LRBA: variants seen among roughly 807,000 people sequenced by gnomAD.
LRBA encodes LPS responsive beige-like anchor protein.
LRBA carries 176 observed loss-of-function variants against 330.0 expected under a neutral mutation model. The observed-to-expected ratio is 0.53, with a 90% CI of 0.47 to 0.60. The LOEUF is 0.60. Ranked by LOEUF, LRBA falls within the 20% of genes least tolerant of loss-of-function variation. The pLI, the probability that LRBA is intolerant of heterozygous loss-of-function variation, is 0.00. For missense variants in LRBA, 3,259 were observed against 3,444.8 expected, an observed-to-expected ratio of 0.95 and a Z score of 1.35; for synonymous variants, 1,230 against 1,193.0, an observed-to-expected ratio of 1.03 and a Z score of -0.64.
intron 40 of LRBA, among the ~76,000 whole-genome samples, chr4:150,542,945 A>T (rs1341265062): frequency 3.3e-5 from 5 of 152,218 alleles, no homozygotes; most frequent in Non-Finnish European, 7.3e-5. Flanking sequence ...AAATAATTTT[A>T]TAATGAGGCT....
intron 40 of LRBA, among the ~76,000 whole-genome samples, chr4:150,564,392 T>C (rs1768835932): frequency 6.6e-6 from 1 of 152,110 alleles, no homozygotes; most frequent in Non-Finnish European, 1.5e-5. Context: ...TAATTCAAGA[T>C]GGATTAAAGA....
intron 40 of LRBA, among the ~76,000 whole-genome samples, chr4:150,502,262 C>T (rs1470584568): frequency 6.6e-6 from 1 of 152,168 alleles, no homozygotes; most frequent in Non-Finnish European, 1.5e-5. Flanking sequence ...AGGGTTTTGC[C>T]ACAGAAGTGG....
At chr4:150,302,397 T>C (rs1005079512) in intron 53 of LRBA, among the ~76,000 whole-genome samples, 19 of 152,200 alleles carry the variant, frequency 1.2e-4, no homozygotes, top group African/African-American at 4.3e-4. Context: ...AATTTTTGGA[T>C]CATAAGAATA....
At chr4:150,810,854 G>T (rs550262826) in intron 31 of LRBA, among the ~76,000 whole-genome samples, 1 of 152,108 alleles carries the variant, frequency 6.6e-6, no homozygotes, top group Non-Finnish European at 1.5e-5. Flanking sequence ...CTTTGGCCTT[G>T]GCCTCCCAAA....
chr4:150,755,873 A>G (rs995640257), intron 35 of LRBA, among the ~76,000 whole-genome samples: 23 of 151,344 alleles, frequency 1.5e-4, no homozygotes, highest in African/African-American at 5.3e-4. Context: ...CCCCATCTCT[A>G]CAAGAAAAAA....
chr4:150,437,301 G>A (rs1290246373), intron 44 of LRBA, among the ~76,000 whole-genome samples: 1 of 151,940 alleles, frequency 6.6e-6, no homozygotes, highest in African/African-American at 2.4e-5. Context: ...AAACAAAACT[G>A]GGAGATAGGT....
intron 34 of LRBA, among the ~76,000 whole-genome samples, chr4:150,796,447 CAA>C (rs1375743195): frequency 6.6e-6 from 1 of 151,832 alleles, no homozygotes; most frequent in Admixed American, 6.6e-5. Flanking sequence ...GAAGAACTCA[CAA>C]AAAATGTTAA....
intron 40 of LRBA, among the ~76,000 whole-genome samples, chr4:150,576,925 G>A (rs565836287): frequency 1.3e-5 from 2 of 151,850 alleles, no homozygotes; most frequent in Non-Finnish European, 3.0e-5. Context: ...ACTAATCAAA[G>A]AGAGTAAAAA....
intron 43 of LRBA, 94 bp downstream of exon 43, chr4:150,471,530 A>G (rs1188695604): frequency 1.4e-6 from 1 of 693,932 alleles, no homozygotes; most frequent in Non-Finnish European, 2.4e-6. Flanking sequence ...TAACGGCAAT[A>G]AAACAAGCTA....
At chr4:150,393,379 T>C (rs2151912734) in intron 47 of LRBA, among the ~76,000 whole-genome samples, 1 of 151,954 alleles carries the variant, frequency 6.6e-6, no homozygotes, top group Non-Finnish European at 1.5e-5. Context: ...TCAGGCATTA[T>C]AATAAACTCT....
At chr4:150,859,660 C>T (rs1462333627) in intron 22 of LRBA, among the ~76,000 whole-genome samples, 6 of 152,200 alleles carry the variant, frequency 3.9e-5, no homozygotes, top group Admixed American at 3.9e-4. Context: ...CAAACAGCTT[C>T]CCTGCTACAA....
chr4:150,987,427 A>G (rs1469249257), intron 2 of LRBA, among the ~76,000 whole-genome samples: 1 of 152,202 alleles, frequency 6.6e-6, no homozygotes, highest in Non-Finnish European at 1.5e-5. Context: ...CATTCAGGCC[A>G]GATGTGGTGG....
chr4:150,892,675 G>A (rs1326039240), intron 17 of LRBA, among the ~76,000 whole-genome samples: 4 of 152,206 alleles, frequency 2.6e-5, no homozygotes, highest in Non-Finnish European at 5.9e-5. Context: ...GGGAGGTGGA[G>A]GAAGTGACAT....
intron 38 of LRBA, among the ~76,000 whole-genome samples, chr4:150,591,496 T>A (rs1413593777): frequency 6.6e-6 from 1 of 152,102 alleles, no homozygotes; most frequent in Non-Finnish European, 1.5e-5. Flanking sequence ...ATACACTCAC[T>A]CCTCCGCCCT....
intron 35 of LRBA, among the ~76,000 whole-genome samples, chr4:150,754,684 A>G (rs545510221): frequency 5.9e-4 from 90 of 152,100 alleles, no homozygotes; most frequent in Non-Finnish European, 1.1e-3. Flanking sequence ...AATCCTACCA[A>G]CTTGGGGGAC....
At position 150,602,790 on chromosome 4, in the gene LRBA, T is replaced by C. The variant is rs72736333; in HGVS notation, c.5922-3659A>G. ...TGATCCAACCCTCTTCCCAAAAGGT[T>C]ATAAAGTAATTAAAAGATTATACAT... On this transcript the variant is annotated intron_variant, in intron 37 of 56. Transcript: ENST00000651943. Among the ~76,000 whole-genome samples the C allele has an allele frequency of 1.6e-3, 245 of 152,294 alleles. 1 individual carries two copies. The highest frequency in any genetic ancestry group is 3.7e-3 in the Admixed American group (56 of 15,294).
At chr4:150,555,258 T>C (rs909915245) in intron 40 of LRBA, among the ~76,000 whole-genome samples, 1 of 152,136 alleles carries the variant, frequency 6.6e-6, no homozygotes, top group African/African-American at 2.4e-5. Context: ...AATACTACAA[T>C]GCTACTACCT....
chr4:150,443,957 C>T (rs1451146080), intron 44 of LRBA, among the ~76,000 whole-genome samples: 2 of 147,080 alleles, frequency 1.4e-5, no homozygotes, highest in South Asian at 2.1e-4. Context: ...TGGACTGGTA[C>T]GCTGCCTCTG....
At chr4:150,457,429 A>T (rs1468004811) in intron 44 of LRBA, among the ~76,000 whole-genome samples, 2 of 152,058 alleles carry the variant, frequency 1.3e-5, no homozygotes, top group African/African-American at 4.8e-5. Context: ...ATTTGAACAA[A>T]CACATTGAAT....
Sources: gnomAD v4.1 joint callset for allele counts (sites outside exome capture counted in the v4.1 genomes callset) on GRCh38, gnomAD v4.1.1 for gene constraint, MANE v1.5 for transcripts, NCBI Gene and HGNC (gene_info 2026-07-23, HGNC 2026-07-21) for gene names.